PRDM2: variants seen among roughly 807,000 people sequenced by gnomAD.
The protein encoded by PRDM2 is PR/SET domain 2.
In PRDM2, 30 loss-of-function variants were observed where a neutral mutation model predicts 130.0. That is an observed-to-expected ratio of 0.23 (90% CI 0.17 to 0.31). PRDM2 has a LOEUF of 0.31. Ranked by LOEUF, PRDM2 falls within the 10% of genes least tolerant of loss-of-function variation. The probability of loss-of-function intolerance (pLI) is 1.00; values close to 1 mark genes in which losing one functional copy is unlikely to be tolerated. For synonymous variants in PRDM2, 871 were observed against 782.4 expected, an observed-to-expected ratio of 1.11 and a Z score of -1.89; for missense variants, 2,011 against 2,108.4, an observed-to-expected ratio of 0.95 and a Z score of 0.90.
chr1:13,790,471 G>A (rs1449119321), intron 8 of PRDM2, among the ~76,000 whole-genome samples: 2 of 152,276 alleles, frequency 1.3e-5, no homozygotes, highest in African/African-American at 4.8e-5. Context: ...CGGGCCTAAT[G>A]TGTAGTTTCT....
intron 6 of PRDM2, among the ~76,000 whole-genome samples, chr1:13,767,471 T>A (rs984094372): frequency 2.7e-5 from 4 of 150,460 alleles, no homozygotes; most frequent in African/African-American, 9.8e-5. Flanking sequence ...TTTTCTATTT[T>A]TTTTTTTTTT....
chr1:13,777,839 A>T (rs1357729676), intron 7 of PRDM2, among the ~76,000 whole-genome samples: 1 of 151,472 alleles, frequency 6.6e-6, no homozygotes, highest in Non-Finnish European at 1.5e-5. Context: ...AGAAGAGATG[A>T]TCTCCAAAGA....
rs996382269 is a variant in PRDM2, at chr1:13,823,362, A to G, written c.*227A>G. The G allele has an allele frequency of 4.0e-5, 28 of 694,056 alleles. No homozygotes were observed. The highest frequency in any genetic ancestry group is 6.6e-5 in the Non-Finnish European group (26 of 394,652). The allele number at this position is 694,056 out of a possible 1,614,324, so 43.0% of individuals were successfully genotyped here. A position where few individuals can be genotyped will look rare whatever the true frequency, so the allele number is the denominator to read the frequency against. On this transcript the variant is annotated 3_prime_UTR_variant, in exon 10 of 10. Transcript: ENST00000311066. ...CGAGGGTCCCGATCCCCGGGGCGGCAGGAAGGGGGCCGACTCCACGCTGTC... is the reference window on the plus strand; with the variant it reads ...CGAGGGTCCCGATCCCCGGGGCGGCGGGAAGGGGGCCGACTCCACGCTGTC...
chr1:13,741,927 C>A, intron 4 of PRDM2, 78 bp from the exon 5 acceptor site: 5 of 1,183,496 alleles, frequency 4.2e-6, no homozygotes, highest in Non-Finnish European at 3.6e-6. Context: ...AAAGAATTAT[C>A]CTTAAAAGTT....
intron 1 of PRDM2, among the ~76,000 whole-genome samples, chr1:13,706,523 A>G (rs1442332081): frequency 7.2e-5 from 11 of 152,104 alleles, no homozygotes; most frequent in Non-Finnish European, 4.4e-5. Flanking sequence ...TAGGATTAGC[A>G]ACTCCTCACA....
chr1:13,720,942 C>T (rs571027747), intron 2 of PRDM2, among the ~76,000 whole-genome samples: 9 of 152,264 alleles, frequency 5.9e-5, no homozygotes, highest in African/African-American at 9.6e-5. Context: ...GTTTCACACC[C>T]GTGTAACTAT....
chr1:13,817,641 T>C (rs918615441), intron 9 of PRDM2, among the ~76,000 whole-genome samples: 1 of 151,400 alleles, frequency 6.6e-6, no homozygotes, highest in South Asian at 2.1e-4. Flanking sequence ...ATGTACAAAA[T>C]GGCCAAAAAG....
At chr1:13,737,233 C>T (rs947466963) in intron 4 of PRDM2, among the ~76,000 whole-genome samples, 5 of 152,152 alleles carry the variant, frequency 3.3e-5, no homozygotes, top group African/African-American at 1.2e-4. Flanking sequence ...TATTACAGCG[C>T]TGGAGCTAAG....
chr1:13,719,421 T>C (rs1247057688), intron 2 of PRDM2, among the ~76,000 whole-genome samples: 1 of 152,168 alleles, frequency 6.6e-6, no homozygotes, highest in Non-Finnish European at 1.5e-5. Context: ...AGGCAAGTTT[T>C]ATAGGGCCTT....
chr1:13,783,298 T>G, intron 8 of PRDM2: 1 of 382,354 alleles, frequency 2.6e-6, no homozygotes, highest in South Asian at 1.9e-5. Context: ...ACCTGACACT[T>G]TCTTTCAGAA....
At chr1:13,749,996 G>C (rs188089930) in intron 6 of PRDM2, among the ~76,000 whole-genome samples, 47 of 152,334 alleles carry the variant, frequency 3.1e-4, no homozygotes, top group Admixed American at 1.4e-3. Context: ...GAGACAGTGA[G>C]AGACAGAGAC....
At chr1:13,787,589 A>G (rs1570044211) in intron 8 of PRDM2, 3 of 978,104 alleles carry the variant, frequency 3.1e-6, no homozygotes, top group African/African-American at 1.7e-5. Flanking sequence ...CATTTCTGTT[A>G]TGGGGACTTT....
Position 13,782,779 on chromosome 1 carries a change from A to C in PRDM2, c.4984A>C (p.Ser1662Arg), listed in dbSNP as rs1334118392. The C allele has an allele frequency of 1.2e-6, 2 of 1,611,180 alleles. No individual in the cohort carries two copies. The highest frequency in any genetic ancestry group is 2.7e-5 in the African/African-American group (2 of 74,568). Residue 1662 changes from serine (S) to arginine (R), a missense_variant, in exon 8 of 10, where the codon AGT (serine) becomes CGT (arginine). By Grantham distance (110) the Ser-to-Arg change is moderately radical. Around this residue, in one of 5 missense-constraint regions of PRDM2, gnomAD observed 410 missense variants for 395.9 expected, o/e 1.04. Transcript: ENST00000311066. ...TCAGCTGGCAGCTGCTGCTGACTTG[A>C]GTGAGAACAAGAGAGAGGACGGCAG... The part of the protein sequence containing the change: ...SLQLAAAADL[S>R]ENKREDGSAK...
At chr1:13,795,068 C>A (rs1477910851) in intron 8 of PRDM2, among the ~76,000 whole-genome samples, 1 of 152,192 alleles carries the variant, frequency 6.6e-6, no homozygotes, top group Non-Finnish European at 1.5e-5. Flanking sequence ...ATGATTCATT[C>A]TTATTCTATC....
At chr1:13,758,271 C>CCGTCTCTACTAAAAATACAAAAATTAG (rs922733741) in intron 6 of PRDM2, among the ~76,000 whole-genome samples, 6 of 151,922 alleles carry the variant, frequency 3.9e-5, no homozygotes, top group African/African-American at 1.4e-4. Flanking sequence ...TGGTAAAACC[C>CCGTCTCTACTAAAAATACAAAAATTAG]CGTCTCTACT....
In PRDM2 at chr1:13,731,027, G is replaced by A. The variant is rs762148743; in HGVS notation, c.37G>A (p.Glu13Lys). 4 of 1,611,488 alleles carry A rather than the reference G, an allele frequency of 2.5e-6. No homozygotes were observed. Among genetic ancestry groups the A allele is most frequent in the African/African-American group, 1.3e-5 (1 of 74,696 alleles). The stretch of plus-strand genomic sequence containing the variant: ...CACTACTGAGCCTGTGGCGGCCACC[G>A]AGACCCTGGCTGAGGTACCCGAACA... ...QNTTEPVAAT[E>K]TLAEVPEHVL... Residue 13 changes from glutamate to lysine, a missense_variant, in exon 3 of 10, where the codon GAG (glutamate) becomes AAG (lysine). Coordinates refer to ENST00000311066, the MANE Select transcript of PRDM2 (RefSeq NM_001393986.1).
chr1:13,812,962 C>T (rs1483339266), intron 8 of PRDM2, among the ~76,000 whole-genome samples: 2 of 152,134 alleles, frequency 1.3e-5, no homozygotes, highest in South Asian at 2.1e-4. Context: ...GAGTGGCTTA[C>T]CCTGGGCCAT....
In PRDM2 at chr1:13,779,681, TGGG is replaced by T. The variant is rs1393813621; in HGVS notation, c.1887_1889del (p.Leu629_Gly630delinsPhe). 9 of 1,614,094 alleles carry T rather than the reference TGGG, an allele frequency of 5.6e-6. No homozygotes were observed. Among genetic ancestry groups the T allele is most frequent in the Non-Finnish European group, 4.2e-6 (5 of 1,180,014 alleles). On this transcript the variant is annotated inframe_deletion, in exon 8 of 10. Coordinates refer to ENST00000311066, the MANE Select transcript of PRDM2 (RefSeq NM_001393986.1). The surrounding 1 kb of genome is among the most constrained non-coding windows in gnomAD (Gnocchi z 4.9). ...ACAGAAGATCTTCCTAAAGAGCCTT[TGGG>T]CAGCACAAATAGTGAGGCCAAGAAG...
intron 7 of PRDM2, among the ~76,000 whole-genome samples, chr1:13,773,881 T>C (rs1041097234): frequency 1.3e-5 from 2 of 152,222 alleles, no homozygotes; most frequent in African/African-American, 2.4e-5. Context: ...TATATATATT[T>C]AGTGAAAATT....
Sources: gnomAD v4.1 joint callset for allele counts (sites outside exome capture counted in the v4.1 genomes callset) on GRCh38, gnomAD v4.1.1 for gene constraint, gnomAD v4.1.1 regional missense constraint, Gnocchi (gnomAD v3.1) non-coding constraint, MANE v1.5 for transcripts, NCBI Gene and HGNC (gene_info 2026-07-23, HGNC 2026-07-21) for gene names.